Variants in EYS observed in about 807,000 individuals in gnomAD.
EYS encodes EGF-like photoreceptor maintenance factor.
A neutral mutation model predicts 282.1 loss-of-function variants in EYS; 250 were observed. The observed-to-expected ratio is 0.89, with a 90% confidence interval of 0.80 to 0.98. The LOEUF is 0.98. Among genes scored for constraint, EYS ranks in the 50% least tolerant of loss-of-function variants. EYS has a pLI of 0.00. For synonymous variants in EYS, 1,355 were observed against 1,282.9 expected (o/e 1.06, Z -1.20); for missense variants, 4,016 against 3,709.0 (o/e 1.08, Z -2.15).
intron 18 of EYS, among the ~76,000 whole-genome samples, chr6:64,891,920 A>C (rs895254436): frequency 4.6e-5 from 7 of 152,054 alleles, no homozygotes; most frequent in African/African-American, 1.7e-4. Flanking sequence ...AAAGTTTTAG[A>C]ATTAAACTTA....
chr6:65,000,334 T>G (rs1771422167), intron 13 of EYS, among the ~76,000 whole-genome samples: 1 of 152,236 alleles, frequency 6.6e-6, no homozygotes, highest in South Asian at 2.1e-4. Flanking sequence ...AGGCCAAATT[T>G]TCTTAAAATA....
At chr6:63,752,663 T>G (rs941289303) in intron 41 of EYS, among the ~76,000 whole-genome samples, 2 of 151,672 alleles carry the variant, frequency 1.3e-5, no homozygotes, top group Non-Finnish European at 2.9e-5. Flanking sequence ...TGGCTAATTT[T>G]TTTTTGTATT....
intron 33 of EYS, among the ~76,000 whole-genome samples, chr6:64,021,805 G>C (rs1262719053): frequency 6.6e-6 from 1 of 151,578 alleles, no homozygotes; most frequent in East Asian, 1.9e-4. Context: ...CTCTTATTTA[G>C]TTACCTAAAA....
Position 65,405,262 on chromosome 6 carries a change from C to G in EYS, c.968G>C (p.Gly323Ala), listed in dbSNP as rs1411803360. The G allele has an allele frequency of 1.2e-6, 2 of 1,613,190 alleles. No individual in the cohort carries two copies. The highest frequency in any genetic ancestry group is 2.2e-5 in the South Asian group (2 of 91,054). The change falls in exon 6 of 43, where the codon GGA (glycine) becomes GCA (alanine). Residue 323 changes from glycine (G) to alanine (A), a missense_variant. Transcript: ENST00000503581. Reference protein sequence around the residue: ...SSAYTYECPKGSSSQNGETDV... With the variant: ...SSAYTYECPKASSSQNGETDV... ...AGTTTCACCATTTTGGCTGGAAGATCCTTTTGGGCATTCATAAGTATAAGC... is the reference window on the plus strand; with the variant it reads ...AGTTTCACCATTTTGGCTGGAAGATGCTTTTGGGCATTCATAAGTATAAGC...
At chr6:65,651,928 G>T (rs968359515) in intron 1 of EYS, among the ~76,000 whole-genome samples, 4 of 151,912 alleles carry the variant, frequency 2.6e-5, no homozygotes, top group Non-Finnish European at 5.9e-5. Context: ...GCTAAATTGA[G>T]AACTCCTGGA....
intron 36 of EYS, among the ~76,000 whole-genome samples, chr6:63,863,433 G>A (rs1772584404): frequency 6.6e-6 from 1 of 151,854 alleles, no homozygotes; most frequent in Admixed American, 6.6e-5. Context: ...TGTAATAACT[G>A]TATCATGGGT....
intron 22 of EYS, among the ~76,000 whole-genome samples, chr6:64,749,696 A>G (rs550565866): frequency 6.6e-6 from 1 of 152,308 alleles, no homozygotes; most frequent in South Asian, 2.1e-4. Flanking sequence ...AACAGATACC[A>G]TCAAAAACTA....
chr6:63,776,344 T>C lies in EYS; in HGVS notation c.7898+1662A>G, dbSNP rs529618321. ...TATTTGCTGTTTTTAAGTTCATTTC[T>C]TGCTATTTAGATTCTGGAGAGAATC... On this transcript the variant is annotated intron_variant, in intron 40 of 42. Transcript: ENST00000503581. Among the ~76,000 whole-genome samples, 3 of 152,310 alleles carry C rather than the reference T, an allele frequency of 2.0e-5. No individual in the cohort carries two copies. In the East Asian group the frequency reaches 5.8e-4, roughly 29 times the overall value.
intron 18 of EYS, among the ~76,000 whole-genome samples, chr6:64,890,049 C>G (rs926117220): frequency 3.4e-5 from 5 of 148,338 alleles, no homozygotes; most frequent in South Asian, 4.3e-4. Flanking sequence ...ATAAATGCCC[C>G]CCCCCCCCAA....
At chr6:64,929,142 A>G (rs1392027973) in intron 15 of EYS, among the ~76,000 whole-genome samples, 1 of 152,110 alleles carries the variant, frequency 6.6e-6, no homozygotes, top group African/African-American at 2.4e-5. Flanking sequence ...ATTCAATAGG[A>G]CCACTGTCTT....
intron 35 of EYS, among the ~76,000 whole-genome samples, chr6:63,925,692 G>C (rs1320847122): frequency 2.0e-5 from 3 of 152,194 alleles, no homozygotes; most frequent in African/African-American, 7.2e-5. Flanking sequence ...AGCCCAGGCT[G>C]GAGTGCAGTG....
In EYS at chr6:65,475,756, G is replaced by A. The variant is rs10944810; in HGVS notation, c.862+14838C>T. Reference sequence around the variant, plus strand: ...CCCCTGACAGACAGACAGACAGACAGACACACACACACACACACACACAGA... The same window carrying A: ...CCCCTGACAGACAGACAGACAGACAAACACACACACACACACACACACAGA... On this transcript the variant is annotated intron_variant, in intron 5 of 42. Coordinates refer to ENST00000503581, the MANE Select transcript of EYS (RefSeq NM_001142800.2). Among the ~76,000 whole-genome samples, 56 of 146,006 alleles carry A rather than the reference G, an allele frequency of 3.8e-4. No homozygotes were observed. The East Asian group carries it at 0.011, about 28-fold the overall frequency.
rs1311306952 is a variant in EYS at position 64,533,220 on chromosome 6, G to A, written c.5644+57003C>T. On this transcript the variant is annotated intron_variant, in intron 26 of 42. Coordinates refer to ENST00000503581, the MANE Select transcript of EYS (RefSeq NM_001142800.2). ...GAGCATATGATGCCTGTAGAATAATGACAAATAGCTTCTCACACATAATTA... is the reference window on the plus strand; with the variant it reads ...GAGCATATGATGCCTGTAGAATAATAACAAATAGCTTCTCACACATAATTA... 3.3e-5 allele frequency among the ~76,000 whole-genome samples: 5 copies of A among 152,178 alleles called. No individual in the cohort carries two copies. In the East Asian group the frequency reaches 7.7e-4, roughly 24 times the overall value.
At chr6:65,440,237 C>T (rs1768260086) in intron 5 of EYS, among the ~76,000 whole-genome samples, 1 of 151,952 alleles carries the variant, frequency 6.6e-6, no homozygotes, top group African/African-American at 2.4e-5. Flanking sequence ...GTAAACAATG[C>T]TCACTGGACA....
At chr6:64,195,886 G>A (rs987387173) in intron 31 of EYS, among the ~76,000 whole-genome samples, 25 of 152,066 alleles carry the variant, frequency 1.6e-4, no homozygotes, top group Non-Finnish European at 3.2e-4. Context: ...AGCCAAAATT[G>A]ACAAATGGGA....
At chr6:64,582,850 A>T (rs956577278) in intron 26 of EYS, among the ~76,000 whole-genome samples, 1 of 152,070 alleles carries the variant, frequency 6.6e-6, no homozygotes, top group Non-Finnish European at 1.5e-5. Flanking sequence ...CGGGGCTTTC[A>T]TTTGTTAGGA....
intron 36 of EYS, among the ~76,000 whole-genome samples, chr6:63,850,457 C>A (rs1772217744): frequency 6.6e-6 from 1 of 152,156 alleles, no homozygotes; most frequent in Non-Finnish European, 1.5e-5. Context: ...CAAAGGGAAG[C>A]CCATCAGACT....
chr6:65,668,720 T>G (rs2149830996), intron 1 of EYS, among the ~76,000 whole-genome samples: 1 of 152,032 alleles, frequency 6.6e-6, no homozygotes, highest in East Asian at 1.9e-4. Flanking sequence ...TTTCAAGATC[T>G]CTTATTAGCC....
chr6:64,821,549 G>A (rs1446689483), intron 21 of EYS, 96 bp downstream of exon 21: 2 of 627,612 alleles, frequency 3.2e-6, no homozygotes, highest in African/African-American at 3.9e-5. Flanking sequence ...ATCAACAACT[G>A]TGGAAGAAAT....
Sources: allele counts gnomAD v4.1 joint callset (sites outside exome capture counted in the v4.1 genomes callset), GRCh38; gene constraint gnomAD v4.1.1; transcripts MANE v1.5; gene names NCBI Gene and HGNC (gene_info 2026-07-23, HGNC 2026-07-21).